COL5A2: variants seen among roughly 807,000 people sequenced by gnomAD.
COL5A2 encodes collagen alpha-2(V) chain.
A neutral mutation model predicts 208.2 loss-of-function variants in COL5A2; 23 were observed. The ratio of observed to expected loss-of-function variants is 0.11; its 90% CI spans 0.08 to 0.16. COL5A2 has a LOEUF of 0.16. COL5A2 is among the 10% of genes least tolerant of loss of function. COL5A2 has a pLI of 1.00. For synonymous variants in COL5A2, 625 were observed against 628.5 expected (o/e 0.99, Z 0.08); for missense variants, 1,590 against 1,956.4 (o/e 0.81, Z 3.53).
chr2:189,299,451 C>A, the COL5A2 span, among the ~76,000 whole-genome samples: 2 of 152,152 alleles, frequency 1.3e-5, no homozygotes, highest in Non-Finnish European at 2.9e-5. Flanking sequence ...GCTAACTAAC[C>A]TGCAAAGAAG....
chr2:189,061,688 A>G, intron 29 of COL5A2, 73 bp from the exon 30 acceptor site: 1 of 1,062,568 alleles, frequency 9.4e-7, no homozygotes. Context: ...GTGAACCACT[A>G]GAAGTACTGA....
intron 17 of COL5A2, among the ~76,000 whole-genome samples, chr2:189,072,765 C>CCAAAAAAAA (rs1686304305): frequency 1.5e-5 from 1 of 67,538 alleles, no homozygotes. Context: ...ACTCCATCTC[C>CCAAAAAAAA]AAAAAAAAAA....
chr2:189,291,173 A>G, the COL5A2 span, among the ~76,000 whole-genome samples: 1 of 152,128 alleles, frequency 6.6e-6, no homozygotes, highest in African/African-American at 2.4e-5. Flanking sequence ...ATAAATCTCA[A>G]TAAACATTTT....
intron 1 of COL5A2, among the ~76,000 whole-genome samples, chr2:189,195,606 C>A (rs1372428916): frequency 6.6e-6 from 1 of 152,054 alleles, no homozygotes; most frequent in Non-Finnish European, 1.5e-5. Flanking sequence ...GGTACTGGTA[C>A]CAAAACAGAC....
intron 17 of COL5A2, among the ~76,000 whole-genome samples, chr2:189,073,173 A>G (rs1021777832): frequency 6.6e-6 from 1 of 152,102 alleles, no homozygotes; most frequent in African/African-American, 2.4e-5. Context: ...CACGTTGATC[A>G]TGAATATTTC....
At chr2:189,087,689 A>T (rs2105655501) in intron 8 of COL5A2, among the ~76,000 whole-genome samples, 1 of 145,558 alleles carries the variant, frequency 6.9e-6, no homozygotes, top group African/African-American at 2.5e-5. Context: ...GAATGGTCTC[A>T]ATCTCCTGAC....
At chr2:189,234,478 G>GTTAC in the COL5A2 span, among the ~76,000 whole-genome samples, 1 of 151,646 alleles carries the variant, frequency 6.6e-6, no homozygotes, top group Admixed American at 6.6e-5. Context: ...TGGTAATGTA[G>GTTAC]TTACATAAGT....
intron 1 of COL5A2, among the ~76,000 whole-genome samples, chr2:189,215,547 T>C (rs774272864): frequency 3.9e-5 from 6 of 152,166 alleles, no homozygotes; most frequent in Non-Finnish European, 8.8e-5. Flanking sequence ...CACCTGTTTC[T>C]TTTTACTTTT....
chr2:189,312,827 G>A, the COL5A2 span, among the ~76,000 whole-genome samples: 1 of 150,924 alleles, frequency 6.6e-6, no homozygotes, highest in Admixed American at 6.6e-5. Flanking sequence ...AAGACTCTCA[G>A]CATACCACAG....
chr2:189,164,173 G>A (rs941992859), intron 1 of COL5A2, among the ~76,000 whole-genome samples: 1 of 152,132 alleles, frequency 6.6e-6, no homozygotes, highest in African/African-American at 2.4e-5. Flanking sequence ...TTCTGACCCA[G>A]AGAAAAGGGA....
At chr2:189,287,641 G>C in the COL5A2 span, among the ~76,000 whole-genome samples, 1 of 152,074 alleles carries the variant, frequency 6.6e-6, no homozygotes, top group South Asian at 2.1e-4. Flanking sequence ...TAGTATAAAG[G>C]ATTATGCAGT....
the COL5A2 span, among the ~76,000 whole-genome samples, chr2:189,296,659 T>C: frequency 5.9e-5 from 9 of 152,208 alleles, no homozygotes; most frequent in African/African-American, 2.2e-4. Flanking sequence ...TCCTGGGATA[T>C]AGTTATTTTT....
chr2:189,170,057 T>C (rs1434699447), intron 1 of COL5A2, among the ~76,000 whole-genome samples: 1 of 152,228 alleles, frequency 6.6e-6, no homozygotes, highest in African/African-American at 2.4e-5. Flanking sequence ...TCATCTGCCA[T>C]ATTAATGAGT....
At chr2:189,311,339 A>T in the COL5A2 span, 1 of 1,010,322 alleles carries the variant, frequency 9.9e-7, no homozygotes, top group Non-Finnish European at 1.5e-6. Context: ...GGTGTTTTGG[A>T]TGGTTTGCAT....
the COL5A2 span, among the ~76,000 whole-genome samples, chr2:189,246,416 C>T: frequency 6.9e-6 from 1 of 145,082 alleles, no homozygotes; most frequent in Non-Finnish European, 1.6e-5. Flanking sequence ...TATTGAAAGA[C>T]ATCAATTGAT....
chr2:189,298,562 C>CAGTCTGTCTCCATTCTGCCAACA, the COL5A2 span, among the ~76,000 whole-genome samples: 1 of 152,174 alleles, frequency 6.6e-6, no homozygotes, highest in Non-Finnish European at 1.5e-5. Flanking sequence ...GGTGGGAGTG[C>CAGTCTGTCTCCATTCTGCCAACA]AGTCTGTCTC....
intron 1 of COL5A2, among the ~76,000 whole-genome samples, chr2:189,143,833 T>C (rs1687985088): frequency 6.6e-6 from 1 of 152,058 alleles, no homozygotes; most frequent in African/African-American, 2.4e-5. Context: ...TACTAGACTG[T>C]AGGAAGAAAT....
At chr2:189,232,302 CTTT>C in the COL5A2 span, among the ~76,000 whole-genome samples, 2 of 151,340 alleles carry the variant, frequency 1.3e-5, no homozygotes, top group Non-Finnish European at 3.0e-5. Context: ...TATTTTTTTT[CTTT>C]AATTGTGAAA....
chr2:189,259,694 G>A, the COL5A2 span, among the ~76,000 whole-genome samples: 10 of 152,274 alleles, frequency 6.6e-5, no homozygotes, highest in East Asian at 1.7e-3. Context: ...TACCCATTAA[G>A]TAGACACAGA....
Sources: gnomAD v4.1 joint callset for allele counts (sites outside exome capture counted in the v4.1 genomes callset) on GRCh38, gnomAD v4.1.1 for gene constraint, MANE v1.5 for transcripts, NCBI Gene and HGNC (gene_info 2026-07-23, HGNC 2026-07-21) for gene names.